The following SF3B3 variants were observed in gnomAD, a reference collection of about 807,000 sequenced individuals.
SF3B3 encodes splicing factor 3b subunit 3.
In SF3B3, 33 loss-of-function variants were observed where a neutral mutation model predicts 139.2. The ratio of observed to expected loss-of-function variants is 0.24; its 90% CI spans 0.18 to 0.32. SF3B3 has a LOEUF of 0.32. Among genes scored for constraint, SF3B3 ranks in the 10% least tolerant of loss-of-function variants. The pLI, the probability that SF3B3 is intolerant of heterozygous loss-of-function variation, is 1.00. For missense variants in SF3B3, 818 were observed against 1,509.4 expected (o/e 0.54, Z 7.59); for synonymous variants, 596 against 563.6 (o/e 1.06, Z -0.81).
chr16:70,535,025 G>A (rs2050153534), intron 5 of SF3B3, among the ~76,000 whole-genome samples: 1 of 152,160 alleles, frequency 6.6e-6, no homozygotes, highest in Non-Finnish European at 1.5e-5. Context: ...GTGATTTGAT[G>A]TATTATAGGT....
At chr16:70,564,181 G>A (rs938684313) in intron 18 of SF3B3, 131 bp downstream of exon 18, 7 of 856,056 alleles carry the variant, frequency 8.2e-6, no homozygotes, top group Non-Finnish European at 1.2e-5. Flanking sequence ...GACCAGCCTG[G>A]GCAACATAGC....
chr16:70,524,011 G>C, intron 1 of SF3B3, 83 bp downstream of exon 1: 1 of 421,188 alleles, frequency 2.4e-6, no homozygotes, highest in Non-Finnish European at 4.2e-6. Flanking sequence ...ACTTTGGCGG[G>C]GGTCACGGGC....
intron 15 of SF3B3, among the ~76,000 whole-genome samples, chr16:70,558,095 A>G (rs1225558217): frequency 6.6e-6 from 1 of 152,206 alleles, no homozygotes; most frequent in African/African-American, 2.4e-5. Context: ...TTTGTCTTGT[A>G]GAATTTCCCA....
chr16:70,555,785 C>T (rs2050374969), intron 13 of SF3B3, among the ~76,000 whole-genome samples: 2 of 152,158 alleles, frequency 1.3e-5, no homozygotes, highest in Admixed American at 1.3e-4. Context: ...TTGTAGCCTG[C>T]CTGTACCTTT....
At position 70,576,425 on chromosome 16, in the gene SF3B3, A is replaced by G. The variant is rs959954723; in HGVS notation, c.*4612A>G. ...AAGTTTTAAATTCCCAGGTCCACTC[A>G]GCAGAACTTGCTCCCTTCTCTGACT... On this transcript the variant is annotated 3_prime_UTR_variant, in exon 26 of 26. Transcript: ENST00000302516. The G allele has an allele frequency of 4.6e-5, 7 of 151,820 alleles. No individual in the cohort carries two copies. The highest frequency in any genetic ancestry group is 8.8e-5 in the Non-Finnish European group (6 of 68,024). The allele number at this position is 151,820 out of a possible 1,614,324, so 9.4% of individuals were successfully genotyped here.
Position 70,565,050 on chromosome 16 carries a change from T to A in SF3B3, c.2464-15T>A, listed in dbSNP as rs754081705. 2.5e-6 allele frequency: 4 copies of A among 1,611,774 alleles called. No homozygotes were observed. In the South Asian group the frequency reaches 3.3e-5, roughly 13 times the overall value. ...CTGAGCACGCCAACTCAGTTACTCG[T>A]TTTTTTGGGTTTAGGAAATGGTGGA... is the stretch of plus-strand genomic sequence containing the variant. On this transcript the variant is annotated splice_polypyrimidine_tract_variant and intron_variant, in intron 18 of 25. Transcript: ENST00000302516.
At chr16:70,565,777 T>A in intron 20 of SF3B3, 1 of 398,110 alleles carries the variant, frequency 2.5e-6, no homozygotes, top group Non-Finnish European at 4.6e-6. Flanking sequence ...TCTTACTGTT[T>A]TAATAAGCAG....
rs2050536847 is a variant in SF3B3, at chr16:70,572,285, A to T, written c.*472A>T. On this transcript the variant is annotated 3_prime_UTR_variant, in exon 26 of 26. Transcript: ENST00000302516. ...AGAATCTAACCAGAAATAGAAACCT[A>T]GTTTTTAAGGTGACTGGCATCCATG... 6.1e-6 allele frequency: 2 copies of T among 327,322 alleles called. No homozygotes were observed. The highest frequency in any genetic ancestry group is 4.4e-5 in the African/African-American group (2 of 45,244). 20.3% of individuals were successfully genotyped at this position (327,322 alleles called of 1,614,324 possible). A position where few individuals can be genotyped will look rare whatever the true frequency, so the allele number is the denominator to read the frequency against.
intron 23 of SF3B3, 142 bp downstream of exon 23, chr16:70,569,283 A>G (rs2050506516): frequency 8.7e-6 from 5 of 574,770 alleles, no homozygotes; most frequent in South Asian, 2.4e-5. Flanking sequence ...TTTCTTACCA[A>G]TCTGCAAAAA....
chr16:70,556,501 GT>G (rs1193512330), intron 14 of SF3B3, 167 bp downstream of exon 14: 2 of 711,392 alleles, frequency 2.8e-6, no homozygotes, highest in South Asian at 1.8e-5. Context: ...TGTTTCAGGA[GT>G]TTCCTGCTGT....
intron 12 of SF3B3, 75 bp downstream of exon 12, chr16:70,554,672 G>A (rs1250249864): frequency 5.4e-6 from 8 of 1,472,134 alleles, no homozygotes; most frequent in Non-Finnish European, 7.5e-6. Context: ...AGGCTGCTGT[G>A]TTCATGTCTC....
At position 70,565,442 on chromosome 16, in the gene SF3B3, T is replaced by C. The variant is rs1402188938; in HGVS notation, c.2744T>C (p.Leu915Pro). Residue 915 changes from leucine to proline, a missense_variant, in exon 20 of 26, where the codon CTA becomes CCA. Leu to Pro is a moderately conservative substitution (Grantham distance 98, BLOSUM62 -3). This residue lies in a region of SF3B3 where 145 missense variants were observed against 153.6 expected (regional missense o/e 0.94). Coordinates refer to ENST00000302516, the MANE Select transcript of SF3B3 (RefSeq NM_012426.5). ...GTGGGTGTGGCCAAGGACCTGATAC[T>C]AAACCCCCGATCTGTGGCAGGGGGC... ...VLVGVAKDLI[L>P]NPRSVAGGFV... The C allele has an allele frequency of 6.8e-6, 11 of 1,614,182 alleles. No homozygotes were observed. Among genetic ancestry groups the C allele is most frequent in the Non-Finnish European group, 9.3e-6 (11 of 1,180,022 alleles).
At chr16:70,524,289 G>A (rs2050025988) in intron 1 of SF3B3, among the ~76,000 whole-genome samples, 1 of 152,158 alleles carries the variant, frequency 6.6e-6, no homozygotes, top group South Asian at 2.1e-4. Context: ...TGTTAAAAGC[G>A]TAAATAACGG....
intron 14 of SF3B3, 76 bp from the exon 15 acceptor site, chr16:70,556,810 A>G (rs2050383101): frequency 6.5e-7 from 1 of 1,545,662 alleles, no homozygotes; most frequent in Non-Finnish European, 8.9e-7. Flanking sequence ...CAATCCTAGA[A>G]TTAGATTTCT....
chr16:70,546,534 C>G (rs565583403), intron 10 of SF3B3, among the ~76,000 whole-genome samples: 2 of 151,964 alleles, frequency 1.3e-5, no homozygotes, highest in Non-Finnish European at 2.9e-5. Flanking sequence ...TGTCTGTAAT[C>G]CCAGCTACTC....
intron 10 of SF3B3, among the ~76,000 whole-genome samples, chr16:70,546,758 A>G (rs770575901): frequency 2.0e-5 from 3 of 152,194 alleles, no homozygotes; most frequent in South Asian, 2.1e-4. Context: ...CTTCAAATCT[A>G]TAGACAAACC....
In SF3B3 at chr16:70,561,751, A is replaced by G; in HGVS notation, c.2255A>G (p.Glu752Gly). ...ASGFASEQCP[E>G]GIVAISTNTL... is the part of the protein sequence containing the mutation. ...GGTTTTGCCTCGGAACAGTGTCCCG[A>G]GGGCATTGTGGCCATCTCCACCAAC... The change falls in exon 17 of 26, where the codon GAG becomes GGG. Residue 752 changes from glutamate (E) to glycine (G), a missense_variant. Coordinates refer to ENST00000302516, the MANE Select transcript of SF3B3 (RefSeq NM_012426.5). The G allele has an allele frequency of 6.2e-7, 1 of 1,614,004 alleles. No homozygotes were observed. Among genetic ancestry groups the G allele is most frequent in the Non-Finnish European group, 8.5e-7 (1 of 1,179,950 alleles).
At chr16:70,528,698 A>T (rs927906645) in intron 2 of SF3B3, among the ~76,000 whole-genome samples, 175 bp from the exon 3 acceptor site, 11 of 150,930 alleles carry the variant, frequency 7.3e-5, no homozygotes, top group African/African-American at 2.4e-4. Context: ...GCTCACAGCA[A>T]CCTCTACCTC....
intron 10 of SF3B3, among the ~76,000 whole-genome samples, chr16:70,544,794 G>A (rs1204195894): frequency 2.6e-5 from 4 of 151,356 alleles, no homozygotes; most frequent in Admixed American, 2.6e-4. Flanking sequence ...GAGCTCAAGT[G>A]ATTATTCTGC....
Sources: allele counts gnomAD v4.1 joint callset (sites outside exome capture counted in the v4.1 genomes callset), GRCh38; gene constraint gnomAD v4.1.1; regional missense constraint gnomAD v4.1.1; transcripts MANE v1.5; gene names NCBI Gene and HGNC (gene_info 2026-07-23, HGNC 2026-07-21).